Variants in EPHA5 observed in about 807,000 individuals in gnomAD.
EPHA5 encodes EPH receptor A5.
EPHA5 carries 60 observed loss-of-function variants against 105.0 expected under a neutral mutation model. The ratio of observed to expected loss-of-function variants is 0.57; its 90% CI spans 0.46 to 0.71. EPHA5 has a LOEUF of 0.71. Among genes scored for constraint, EPHA5 ranks in the 30% least tolerant of loss-of-function variants. The probability of loss-of-function intolerance (pLI) is 0.00; values close to 1 mark genes in which losing one functional copy is unlikely to be tolerated. For missense variants in EPHA5, 1,218 were observed against 1,274.7 expected, an observed-to-expected ratio of 0.96 and a Z score of 0.68; for synonymous variants, 513 against 449.1, an observed-to-expected ratio of 1.14 and a Z score of -1.80.
chr4:65,469,875 A>C (rs1032811390), intron 5 of EPHA5, among the ~76,000 whole-genome samples: 13 of 152,188 alleles, frequency 8.5e-5, no homozygotes, highest in Non-Finnish European at 1.5e-4. Context: ...AAGAAAAAAC[A>C]TGTATACACT....
Position 65,372,066 on chromosome 4 carries a change from C to T in EPHA5, c.1794-4642G>A, listed in dbSNP as rs138462096. On this transcript the variant is annotated intron_variant, in intron 8 of 16. Transcript: ENST00000613740. Reference sequence around the variant, plus strand: ...AAAATAAACACTCTTAATTTAGCCTCGTTTAAAGCCACATTTCTTCACATA... The same window carrying T: ...AAAATAAACACTCTTAATTTAGCCTTGTTTAAAGCCACATTTCTTCACATA... 2.6e-5 allele frequency among the ~76,000 whole-genome samples: 4 copies of T among 152,040 alleles called. No individual in the cohort carries two copies. In the East Asian group the frequency reaches 5.8e-4, roughly 22 times the overall value.
chr4:65,533,702 A>T (rs1329190527), intron 3 of EPHA5, among the ~76,000 whole-genome samples: 1 of 152,134 alleles, frequency 6.6e-6, no homozygotes, highest in Non-Finnish European at 1.5e-5. Flanking sequence ...TGGGAGGCCG[A>T]GGTGGGCGGA....
At chr4:65,543,789 A>G (rs1329600861) in intron 3 of EPHA5, among the ~76,000 whole-genome samples, 1 of 152,102 alleles carries the variant, frequency 6.6e-6, no homozygotes, top group African/African-American at 2.4e-5. Flanking sequence ...AAAAAGTACA[A>G]AGCCAGCGAT....
At chr4:65,485,963 A>G (rs1730842136) in intron 5 of EPHA5, among the ~76,000 whole-genome samples, 2 of 152,286 alleles carry the variant, frequency 1.3e-5, no homozygotes, top group South Asian at 2.1e-4. Context: ...TTCAAAAGAA[A>G]TGTGATTGTC....
At chr4:65,376,961 A>T (rs1470915198) in intron 8 of EPHA5, 1 of 1,551,938 alleles carries the variant, frequency 6.4e-7, no homozygotes. Context: ...ATATAGGTGG[A>T]CATCACATAG....
chr4:65,417,784 C>T (rs1723533036), intron 6 of EPHA5, among the ~76,000 whole-genome samples: 2 of 152,030 alleles, frequency 1.3e-5, no homozygotes, highest in South Asian at 4.1e-4. Flanking sequence ...TTAATAGAAA[C>T]TCCTCCCTAC....
At chr4:65,592,594 C>T (rs573538844) in intron 3 of EPHA5, among the ~76,000 whole-genome samples, 39 of 152,190 alleles carry the variant, frequency 2.6e-4, no homozygotes, top group African/African-American at 8.9e-4. Context: ...TGATAACCTC[C>T]TAATGGGAAG....
rs190966872 is a variant in EPHA5 at position 65,585,935 on chromosome 4, C to T, written c.910+15706G>A. Among the ~76,000 whole-genome samples the T allele has an allele frequency of 1.0e-3, 151 of 150,284 alleles. 1 individual carries two copies. Among genetic ancestry groups the T allele is most frequent in the African/African-American group, 3.2e-3 (130 of 41,066 alleles). On this transcript the variant is annotated intron_variant, in intron 3 of 16. Coordinates refer to ENST00000613740, the MANE Select transcript of EPHA5 (RefSeq NM_001281766.3). ...GCCTGCAGCCTTACTTTTTTTTCTA[C>T]GTCAAATACACTGAGAAATACAAAA...
intron 3 of EPHA5, among the ~76,000 whole-genome samples, chr4:65,506,469 G>C (rs560864133): frequency 1.4e-5 from 2 of 145,456 alleles, no homozygotes; most frequent in South Asian, 4.4e-4. Flanking sequence ...CCCACCAACA[G>C]TGTAAAAGTG....
chr4:65,406,641 C>G (rs1037091800), intron 7 of EPHA5, among the ~76,000 whole-genome samples: 1 of 151,904 alleles, frequency 6.6e-6, no homozygotes, highest in Non-Finnish European at 1.5e-5. Flanking sequence ...ATACTTCTTC[C>G]TTCATGGTGT....
At chr4:65,625,825 T>G (rs1377464974) in intron 2 of EPHA5, among the ~76,000 whole-genome samples, 1 of 152,200 alleles carries the variant, frequency 6.6e-6, no homozygotes, top group East Asian at 1.9e-4. Flanking sequence ...ATTTAAAGAA[T>G]GCGCGGCCGG....
intron 1 of EPHA5, among the ~76,000 whole-genome samples, chr4:65,646,524 G>A (rs1009657077): frequency 6.6e-6 from 1 of 152,080 alleles, no homozygotes; most frequent in African/African-American, 2.4e-5. Context: ...TCAGGTATGT[G>A]GTGAAACATC....
intron 1 of EPHA5, among the ~76,000 whole-genome samples, chr4:65,651,460 C>T (rs1221165688): frequency 6.6e-6 from 1 of 152,152 alleles, no homozygotes; most frequent in African/African-American, 2.4e-5. Flanking sequence ...ATTCTCCTTC[C>T]ATGATGTTAA....
intron 11 of EPHA5, among the ~76,000 whole-genome samples, chr4:65,363,753 T>C (rs77324515): frequency 0.091 from 13,801 of 151,594 alleles, 805 homozygotes; most frequent in Non-Finnish European, 0.12. Context: ...GTTATCATTC[T>C]TGCTTCTACG....
rs546228362 is a variant in EPHA5 at position 65,319,652 on chromosome 4, A to G, written c.*4462T>C. 4 of 221,954 alleles carry G rather than the reference A, an allele frequency of 1.8e-5. No homozygotes were observed. Among genetic ancestry groups the G allele is most frequent in the East Asian group, 6.5e-5 (1 of 15,300 alleles). 13.7% of individuals were successfully genotyped at this position (221,954 alleles called of 1,614,324 possible). On this transcript the variant is annotated 3_prime_UTR_variant, in exon 17 of 17. Transcript: ENST00000613740. ...AAGCATGTACACAAACCAAATGCAC[A>G]TAAAGATTCAAATGAGAAAAAATAC...
chr4:65,631,073 G>A (rs1242901443), intron 2 of EPHA5, among the ~76,000 whole-genome samples: 5 of 152,002 alleles, frequency 3.3e-5, no homozygotes, highest in Non-Finnish European at 5.9e-5. Context: ...CCTGCTCTTG[G>A]TGAGGGTAAA....
intron 5 of EPHA5, among the ~76,000 whole-genome samples, chr4:65,445,038 A>T (rs1030191429): frequency 1.3e-5 from 2 of 152,066 alleles, no homozygotes; most frequent in Non-Finnish European, 2.9e-5. Context: ...ACTGTGATTT[A>T]TGTTTTATCC....
chr4:65,377,144 T>C, intron 8 of EPHA5: 1 of 1,319,364 alleles, frequency 7.6e-7, no homozygotes, highest in Non-Finnish European at 1.0e-6. Context: ...ATGAATTTAC[T>C]CAGGTGTCTG....
intron 5 of EPHA5, among the ~76,000 whole-genome samples, chr4:65,465,018 T>C (rs928379789): frequency 1.3e-5 from 2 of 151,978 alleles, no homozygotes; most frequent in African/African-American, 4.8e-5. Context: ...TACAACAAAG[T>C]TATGTAAGAG....
Sources: allele counts gnomAD v4.1 joint callset (sites outside exome capture counted in the v4.1 genomes callset), GRCh38; gene constraint gnomAD v4.1.1; transcripts MANE v1.5; gene names NCBI Gene and HGNC (gene_info 2026-07-23, HGNC 2026-07-21).